Variants in FUS observed in about 807,000 individuals in gnomAD.
FUS encodes the protein RNA-binding protein FUS.
A neutral mutation model predicts 82.7 loss-of-function variants in FUS; 5 were observed. The observed-to-expected ratio is 0.06, with a 90% CI of 0.03 to 0.13. The LOEUF is 0.13. Ranked by LOEUF, FUS falls within the 10% of genes least tolerant of loss-of-function variation. The probability of loss-of-function intolerance (pLI) is 1.00; values close to 1 mark genes in which losing one functional copy is unlikely to be tolerated. For synonymous variants in FUS, 281 were observed against 247.4 expected (o/e 1.14, Z -1.27); for missense variants, 512 against 707.8 (o/e 0.72, Z 3.14).
chr16:31,184,165 G>T (rs529671420), intron 4 of FUS, 44 bp from the exon 5 acceptor site: 2 of 1,614,104 alleles, frequency 1.2e-6, no homozygotes, highest in Non-Finnish European at 8.5e-7. Context: ...GAAATTGGGG[G>T]CTATGCTGGG....
intron 7 of FUS, 93 bp from the exon 8 acceptor site, chr16:31,188,232 T>C (rs2079299413): frequency 1.7e-5 from 23 of 1,358,146 alleles, no homozygotes; most frequent in Non-Finnish European, 2.4e-5. Context: ...TTGGTGTTAA[T>C]TTTTTTCCTT....
chr16:31,185,957 T>C (rs1054639720), intron 6 of FUS: 3 of 235,796 alleles, frequency 1.3e-5, no homozygotes, highest in African/African-American at 6.6e-5. Flanking sequence ...CTGTCTCCCT[T>C]GAAAAAGGGG....
chr16:31,182,820 G>T (rs752076299), intron 3 of FUS, 156 bp downstream of exon 3: 3 of 869,666 alleles, frequency 3.4e-6, no homozygotes, highest in Non-Finnish European at 5.6e-6. Context: ...GGGTTCAAAC[G>T]ATTCTCCTGC....
Position 31,191,022 on chromosome 16 carries a change from C to T in FUS, c.1453C>T (p.Arg485Trp), listed in dbSNP as rs201772423. 156 of 1,607,122 alleles carry T rather than the reference C, an allele frequency of 9.7e-5. 1 individual carries two copies. The highest frequency in any genetic ancestry group is 1.7e-4 in the Middle Eastern group (1 of 5,986). ...GRGGYDRGGY[R>W]GRGGDRGGFR... ...AGGAGGCTATGATCGAGGCGGCTAC[C>T]GGGGCCGCGGCGGGGACCGTGGAGG... The change falls in exon 14 of 15, where the codon CGG becomes TGG. Residue 485 changes from arginine to tryptophan, a missense_variant. Arg to Trp is a moderately radical substitution (Grantham distance 101). Coordinates refer to ENST00000254108, the MANE Select transcript of FUS (RefSeq NM_004960.4).
chr16:31,186,534 A>G, intron 6 of FUS: 1 of 548,388 alleles, frequency 1.8e-6, no homozygotes, highest in South Asian at 2.2e-5. Context: ...GACCAAGGAA[A>G]ATGGGTTATT....
At chr16:31,192,440 C>CA (rs886051944), downstream of FUS, 47 of 522,498 alleles carry the variant, frequency 9.0e-5, no homozygotes, top group Non-Finnish European at 1.7e-4. Context: ...AACATTAACC[C>CA]AAGAGCAGAA....
chr16:31,180,322 T>C, intron 1 of FUS, 95 bp downstream of exon 1: 2 of 1,493,556 alleles, frequency 1.3e-6, no homozygotes, highest in Non-Finnish European at 1.8e-6. Flanking sequence ...GGCGATCCCG[T>C]GTGGGATTTT....
At chr16:31,184,441 T>A in intron 5 of FUS, 45 bp downstream of exon 5, 1 of 1,219,286 alleles carries the variant, frequency 8.2e-7, no homozygotes, top group Non-Finnish European at 1.1e-6. Flanking sequence ...TCTTTTTCTT[T>A]TTTTTTTTTT....
In FUS at chr16:31,184,910, T is replaced by A; in HGVS notation, c.524-29T>A. On this transcript the variant is annotated intron_variant, in intron 5 of 14. Transcript: ENST00000254108. ...CTACTTTACAATCTTTTTGTTTTTT[T>A]TTTTTAATCATTCTTTCTTTTCTCA... is the stretch of plus-strand genomic sequence containing the variant. 3.1e-6 allele frequency: 5 copies of A among 1,610,910 alleles called. No homozygotes were observed. In the South Asian group the frequency reaches 4.4e-5, roughly 14 times the overall value.
downstream of FUS, chr16:31,194,408 C>T (rs887336290): frequency 7.8e-6 from 4 of 512,452 alleles, no homozygotes; most frequent in African/African-American, 5.7e-5. Flanking sequence ...CCCACCTCAG[C>T]CTCTGGAGTA....
rs771223189 is a variant in FUS at position 31,180,160 on chromosome 16, T to G, written c.-55T>G. On this transcript the variant is annotated 5_prime_UTR_variant, in exon 1 of 15. Transcript: ENST00000254108. ...GGCTGCTCAGTCCTCCAGGCGTCGG[T>G]ACTCAGCGGTGTTGGAACTTCGTTG... is the stretch of plus-strand genomic sequence containing the variant. 2.5e-6 allele frequency: 4 copies of G among 1,597,978 alleles called. No individual in the cohort carries two copies. The highest frequency in any genetic ancestry group is 2.7e-5 in the African/African-American group (2 of 74,700).
chr16:31,185,371 C>G, intron 6 of FUS, 192 bp downstream of exon 6: 1 of 664,448 alleles, frequency 1.5e-6, no homozygotes, highest in South Asian at 1.9e-5. Context: ...GGAGCCTGAA[C>G]TCCCATCCAT....
At position 31,191,570 on chromosome 16, in the gene FUS, C is replaced by T. The variant is rs565540429; in HGVS notation, c.*132C>T. On this transcript the variant is annotated 3_prime_UTR_variant, in exon 15 of 15. Coordinates refer to ENST00000254108, the MANE Select transcript of FUS (RefSeq NM_004960.4). ...TCGGACTATGTAATTGTAACTATACCTCTGGTTCCCATTAAAAGTGACCAT... is the reference window on the plus strand; with the variant it reads ...TCGGACTATGTAATTGTAACTATACTTCTGGTTCCCATTAAAAGTGACCAT... The T allele has an allele frequency of 2.1e-6, 2 of 962,524 alleles. No individual in the cohort carries two copies. The highest frequency in any genetic ancestry group is 3.3e-6 in the Non-Finnish European group (2 of 605,112). The allele number at this position is 962,524 out of a possible 1,614,324, so 59.6% of individuals were successfully genotyped here.
Position 31,180,162 on chromosome 16 carries a change from C to A in FUS, c.-53C>A. 3.7e-6 allele frequency: 6 copies of A among 1,600,964 alleles called. No individual in the cohort carries two copies. The highest frequency in any genetic ancestry group is 5.1e-6 in the Non-Finnish European group (6 of 1,173,708). On this transcript the variant is annotated 5_prime_UTR_variant, in exon 1 of 15. Transcript: ENST00000254108. The stretch of plus-strand genomic sequence containing the variant: ...CTGCTCAGTCCTCCAGGCGTCGGTA[C>A]TCAGCGGTGTTGGAACTTCGTTGCT...
downstream of FUS, chr16:31,193,224 G>A (rs1047705202): frequency 4.4e-5 from 22 of 497,234 alleles, no homozygotes; most frequent in Admixed American, 4.1e-4. Context: ...CTTTTAAGAG[G>A]AATAGCAGGT....
chr16:31,186,613 T>G (rs1330151119), intron 6 of FUS, 189 bp from the exon 7 acceptor site: 1 of 633,570 alleles, frequency 1.6e-6, no homozygotes, highest in Non-Finnish European at 2.9e-6. Context: ...TCTGAGAAAT[T>G]GCACACGTGT....
chr16:31,191,376 AATT>A lies in FUS; in HGVS notation c.1542-22_1542-20del. The stretch of plus-strand genomic sequence containing the variant: ...GGTAACTCAAATATAATGGATACTT[AATT>A]TTTTTTTTTTTTTTTGCAGGGGTGA... On this transcript the variant is annotated intron_variant, in intron 14 of 14. Coordinates refer to ENST00000254108, the MANE Select transcript of FUS (RefSeq NM_004960.4). 6.4e-7 allele frequency: 1 copy of A among 1,555,366 alleles called. No individual in the cohort carries two copies. The highest frequency in any genetic ancestry group is 8.9e-7 in the Non-Finnish European group (1 of 1,128,094).
At chr16:31,191,239 G>C (rs1269846323) in intron 14 of FUS, 129 bp downstream of exon 14, 2 of 1,475,190 alleles carry the variant, frequency 1.4e-6, no homozygotes, top group Admixed American at 3.7e-5. Flanking sequence ...ACCAGTAGTG[G>C]AGAGGGAAGG....
At chr16:31,194,324 T>C (rs1451143085), downstream of FUS, 1 of 521,162 alleles carries the variant, frequency 1.9e-6, no homozygotes, top group African/African-American at 1.9e-5. Flanking sequence ...ACGGTCTCAC[T>C]CTCACCCAGG....
Sources: gnomAD v4.1 joint callset for allele counts on GRCh38, gnomAD v4.1.1 for gene constraint, MANE v1.5 for transcripts, NCBI Gene and HGNC (gene_info 2026-07-23, HGNC 2026-07-21) for gene names.